The following RBM47 variants were observed in gnomAD, a reference collection of about 807,000 sequenced individuals.
The protein encoded by RBM47 is RNA binding motif protein 47.
RBM47 carries 21 observed loss-of-function variants against 47.1 expected under a neutral mutation model. The ratio of observed to expected loss-of-function variants is 0.45; its 90% confidence interval spans 0.32 to 0.64. The LOEUF is 0.64. RBM47 is among the 30% of genes least tolerant of loss of function. The pLI is 0.05. For missense variants in RBM47, 708 were observed against 870.9 expected, an observed-to-expected ratio of 0.81 and a Z score of 2.35; for synonymous variants, 375 against 361.7, an observed-to-expected ratio of 1.04 and a Z score of -0.42.
At chr4:40,430,066 G>A (rs1560346066) in intron 6 of RBM47, among the ~76,000 whole-genome samples, 1 of 152,096 alleles carries the variant, frequency 6.6e-6, no homozygotes, top group East Asian at 1.9e-4. Context: ...ATGGTGGCAC[G>A]TGCCTGTAGT....
chr4:40,539,051 T>C (rs1031236426), intron 2 of RBM47, among the ~76,000 whole-genome samples: 4 of 152,210 alleles, frequency 2.6e-5, no homozygotes, highest in African/African-American at 2.4e-5. Context: ...TTTTATATGA[T>C]GGTCCTATGT....
chr4:40,497,502 C>T (rs1445122465), intron 2 of RBM47, among the ~76,000 whole-genome samples: 2 of 151,746 alleles, frequency 1.3e-5, no homozygotes, highest in Admixed American at 1.3e-4. Flanking sequence ...GTCTGTAGTT[C>T]CAGCTACTCG....
intron 1 of RBM47, among the ~76,000 whole-genome samples, chr4:40,573,984 G>A (rs1473376895): frequency 6.6e-6 from 1 of 152,032 alleles, no homozygotes; most frequent in Non-Finnish European, 1.5e-5. Flanking sequence ...TTTGTTAAAG[G>A]CTATGGTGGA....
At chr4:40,428,011 C>T (rs1016024684) in intron 6 of RBM47, among the ~76,000 whole-genome samples, 9 of 151,974 alleles carry the variant, frequency 5.9e-5, no homozygotes, top group African/African-American at 2.2e-4. Context: ...GGCAACATGG[C>T]GAAACCTTGT....
intron 1 of RBM47, among the ~76,000 whole-genome samples, chr4:40,575,574 A>G (rs1732221100): frequency 6.6e-6 from 1 of 150,538 alleles, no homozygotes; most frequent in African/African-American, 2.5e-5. Flanking sequence ...AAAAACTACC[A>G]AGGAATAGCT....
intron 1 of RBM47, among the ~76,000 whole-genome samples, chr4:40,587,443 G>T (rs149596177): frequency 2.0e-5 from 3 of 152,104 alleles, no homozygotes; most frequent in African/African-American, 7.2e-5. Context: ...TTTATGAAGC[G>T]CTAGGAGCCA....
At chr4:40,573,194 C>A (rs1011042156) in intron 1 of RBM47, among the ~76,000 whole-genome samples, 1 of 150,886 alleles carries the variant, frequency 6.6e-6, no homozygotes, top group African/African-American at 2.4e-5. Flanking sequence ...TGTTTTCTAT[C>A]CCTAGTTGAG....
At chr4:40,505,920 A>C (rs1260045288) in intron 2 of RBM47, among the ~76,000 whole-genome samples, 1 of 151,240 alleles carries the variant, frequency 6.6e-6, no homozygotes, top group Admixed American at 6.6e-5. Context: ...CAAAACAAAA[A>C]ACAAAAAAAC....
chr4:40,501,845 G>T (rs1309699591), intron 2 of RBM47, among the ~76,000 whole-genome samples: 1 of 152,160 alleles, frequency 6.6e-6, no homozygotes, highest in African/African-American at 2.4e-5. Flanking sequence ...CTTTTCTCAA[G>T]AGTCAACAGA....
intron 3 of RBM47, among the ~76,000 whole-genome samples, chr4:40,447,801 G>A (rs1714763570): frequency 1.3e-5 from 2 of 151,984 alleles, no homozygotes; most frequent in Non-Finnish European, 2.9e-5. Flanking sequence ...ACAAGGTCAG[G>A]AGATCGAGAC....
intron 1 of RBM47, among the ~76,000 whole-genome samples, chr4:40,580,534 G>A (rs1486601608): frequency 2.6e-5 from 4 of 152,122 alleles, no homozygotes; most frequent in Non-Finnish European, 2.9e-5. Flanking sequence ...GCACGGTGAT[G>A]GTTTAAAGGC....
chr4:40,549,524 GTTT>G (rs11381654), intron 1 of RBM47, among the ~76,000 whole-genome samples: 1 of 132,742 alleles, frequency 7.5e-6, no homozygotes, highest in Admixed American at 7.8e-5. Context: ...TTGTTTGTTC[GTTT>G]TTTTTTTTTT....
At chr4:40,516,208 G>C (rs920094386) in intron 2 of RBM47, among the ~76,000 whole-genome samples, 2 of 151,438 alleles carry the variant, frequency 1.3e-5, no homozygotes, top group Non-Finnish European at 2.9e-5. Context: ...GCTTCCCTGA[G>C]AGGAACATAA....
At chr4:40,543,619 C>A (rs1728747954) in intron 2 of RBM47, 1 of 152,126 alleles carries the variant, frequency 6.6e-6, no homozygotes. Context: ...CATGGTGAAA[C>A]CCCATCTCGA....
chr4:40,561,549 T>C (rs6843573), intron 1 of RBM47, among the ~76,000 whole-genome samples: 14,491 of 110,454 alleles, frequency 0.13, 1,727 homozygotes, highest in African/African-American at 0.35. Context: ...CTTTTCTTTT[T>C]TTTTTCTTTT....
chr4:40,477,488 C>T (rs1043301893), intron 2 of RBM47, among the ~76,000 whole-genome samples: 4 of 152,240 alleles, frequency 2.6e-5, no homozygotes, highest in African/African-American at 7.2e-5. Context: ...AAATTCCTCT[C>T]GACTACAAAT....
intron 2 of RBM47, among the ~76,000 whole-genome samples, chr4:40,524,373 A>G (rs1026873931): frequency 6.6e-6 from 1 of 152,234 alleles, no homozygotes; most frequent in Admixed American, 6.5e-5. Context: ...GCTTGTACCT[A>G]TTAGGCTTAC....
rs111341027 is a variant in RBM47 at position 40,613,106 on chromosome 4, C to A, written c.-240+16290G>T. Reference sequence around the variant, plus strand: ...CAAAGCTGCTGACAGTCCAGCTATACACCAGCATGTGTTCATTTAATATAA... The same window carrying A: ...CAAAGCTGCTGACAGTCCAGCTATAAACCAGCATGTGTTCATTTAATATAA... On this transcript the variant is annotated intron_variant, in intron 1 of 6. Coordinates refer to ENST00000295971, the MANE Select transcript of RBM47 (RefSeq NM_001098634.2). Among the ~76,000 whole-genome samples the A allele has an allele frequency of 8.4e-3, 1,276 of 152,334 alleles. 9 individuals carry two copies. The highest frequency in any genetic ancestry group is 0.015 in the Non-Finnish European group (990 of 68,040).
chr4:40,526,160 T>C (rs1726685963), intron 2 of RBM47, among the ~76,000 whole-genome samples: 1 of 152,178 alleles, frequency 6.6e-6, no homozygotes, highest in Non-Finnish European at 1.5e-5. Context: ...CCGTGACTCA[T>C]CAAATTCCCA....
Sources: allele counts gnomAD v4.1 joint callset (sites outside exome capture counted in the v4.1 genomes callset), GRCh38; gene constraint gnomAD v4.1.1; transcripts MANE v1.5; gene names NCBI Gene and HGNC (gene_info 2026-07-23, HGNC 2026-07-21).